The following MBNL1 variants were observed in gnomAD, a reference collection of about 807,000 sequenced individuals.
MBNL1 encodes the protein muscleblind like splicing regulator 1, also known as muscleblind-like protein 1.
MBNL1 carries 8 observed loss-of-function variants against 42.2 expected under a neutral mutation model. That is an observed-to-expected ratio of 0.19 (90% confidence interval 0.11 to 0.34). The LOEUF is 0.34. Among genes scored for constraint, MBNL1 ranks in the 10% least tolerant of loss-of-function variants. The pLI is 1.00. For synonymous variants in MBNL1, 169 were observed against 173.9 expected (o/e 0.97, Z 0.22); for missense variants, 309 against 495.3 (o/e 0.62, Z 3.57).
chr3:152,465,134 C>G lies in MBNL1; in HGVS notation c.*2768C>G, dbSNP rs1749820052. The G allele has an allele frequency of 6.6e-6, 1 of 152,268 alleles. No individual in the cohort carries two copies. Among genetic ancestry groups the G allele is most frequent in the Non-Finnish European group, 1.5e-5 (1 of 68,020 alleles). 9.4% of individuals were successfully genotyped at this position (152,268 alleles called of 1,614,324 possible). A position where few individuals can be genotyped will look rare whatever the true frequency, so the allele number is the denominator to read the frequency against. Reference sequence around the variant, plus strand: ...TACCAAAAATAGCAGGTACTTCTACCATTAAGGTGAAATCATGGATCAGAT... The same window carrying G: ...TACCAAAAATAGCAGGTACTTCTACGATTAAGGTGAAATCATGGATCAGAT... On this transcript the variant is annotated 3_prime_UTR_variant, in exon 10 of 10. Coordinates refer to ENST00000324210, the MANE Select transcript of MBNL1 (RefSeq NM_021038.5).
Position 152,459,341 on chromosome 3 carries a change from A to G in MBNL1, c.*14A>G, listed in dbSNP as rs761980571. On this transcript the variant is annotated 3_prime_UTR_variant, in exon 9 of 10. Transcript: ENST00000324210. ...ACCCAGATGTAGAATTTTCATCACT[A>G]AACAGTAAGTTCATTATGTAATATA... 1.7e-5 allele frequency: 26 copies of G among 1,548,242 alleles called. No homozygotes were observed. The highest frequency in any genetic ancestry group is 2.2e-5 in the Non-Finnish European group (25 of 1,136,452).
At chr3:152,350,180 G>C (rs1355963184) in intron 2 of MBNL1, among the ~76,000 whole-genome samples, 1 of 152,146 alleles carries the variant, frequency 6.6e-6, no homozygotes, top group Non-Finnish European at 1.5e-5. Context: ...AGGTAAATGA[G>C]GATGGTGCTT....
chr3:152,248,061 A>C (rs2033572691), intron 2 of MBNL1, among the ~76,000 whole-genome samples: 1 of 152,048 alleles, frequency 6.6e-6, no homozygotes, highest in Admixed American at 6.6e-5. Flanking sequence ...GGAAAAAATA[A>C]ATTGCAATAT....
intron 2 of MBNL1, among the ~76,000 whole-genome samples, chr3:152,373,342 A>AG: frequency 3.0e-5 from 1 of 33,246 alleles, no homozygotes; most frequent in African/African-American, 1.0e-4. Context: ...TGGGGTATGG[A>AG]AAAAAAAAAA....
chr3:152,416,329 C>G (rs1475812764), intron 3 of MBNL1, among the ~76,000 whole-genome samples: 3 of 152,110 alleles, frequency 2.0e-5, no homozygotes, highest in African/African-American at 2.4e-5. Context: ...GTTTTTTCCC[C>G]TATGATTGTA....
At chr3:152,282,696 T>C (rs936764310) in intron 1 of MBNL1, among the ~76,000 whole-genome samples, 5 of 152,140 alleles carry the variant, frequency 3.3e-5, no homozygotes, top group African/African-American at 1.2e-4. Flanking sequence ...CCAGTAAATA[T>C]TTATTTTACA....
intron 2 of MBNL1, among the ~76,000 whole-genome samples, chr3:152,357,010 T>C (rs947509381): frequency 6.6e-6 from 1 of 152,100 alleles, no homozygotes; most frequent in Non-Finnish European, 1.5e-5. Context: ...GACCTGATTT[T>C]AAACCTCCAA....
intron 2 of MBNL1, among the ~76,000 whole-genome samples, chr3:152,306,880 C>G (rs1470935167): frequency 6.6e-6 from 1 of 152,214 alleles, no homozygotes; most frequent in East Asian, 1.9e-4. Context: ...CTTGTCATCA[C>G]TTCTGTCTTG....
At chr3:152,251,988 C>A (rs1477676023) in intron 2 of MBNL1, among the ~76,000 whole-genome samples, 2 of 152,030 alleles carry the variant, frequency 1.3e-5, no homozygotes, top group Admixed American at 6.6e-5. Flanking sequence ...CTCCCATCTT[C>A]AACATCTATT....
At position 152,331,160 on chromosome 3, in the gene MBNL1, A is replaced by G. The variant is rs188544734; in HGVS notation, c.174+30793A>G. 9.6e-4 allele frequency among the ~76,000 whole-genome samples: 145 copies of G among 151,312 alleles called. 1 individual carries two copies. The highest frequency in any genetic ancestry group is 6.5e-4 in the Non-Finnish European group (44 of 67,764). Reference sequence around the variant, plus strand: ...TCGTTCCTGCTCTTCTTCTCTTTTCATACTCACACAGACACTCCTTCCCCT... The same window carrying G: ...TCGTTCCTGCTCTTCTTCTCTTTTCGTACTCACACAGACACTCCTTCCCCT... On this transcript the variant is annotated intron_variant, in intron 2 of 9. Coordinates refer to ENST00000324210, the MANE Select transcript of MBNL1 (RefSeq NM_021038.5).
At chr3:152,436,823 A>G (rs1396041632) in intron 4 of MBNL1, among the ~76,000 whole-genome samples, 1 of 152,204 alleles carries the variant, frequency 6.6e-6, no homozygotes, top group East Asian at 1.9e-4. Flanking sequence ...TAGTCAGCAC[A>G]AACGGTTACA....
intron 1 of MBNL1, among the ~76,000 whole-genome samples, chr3:152,291,472 T>C (rs1431713340): frequency 2.0e-5 from 3 of 152,216 alleles, no homozygotes; most frequent in Admixed American, 6.5e-5. Flanking sequence ...CATTCACTTA[T>C]AAAGGTGACA....
chr3:152,251,744 G>T (rs1358552175), intron 2 of MBNL1, among the ~76,000 whole-genome samples: 1 of 151,926 alleles, frequency 6.6e-6, no homozygotes, highest in Admixed American at 6.6e-5. Context: ...GCACATGAGG[G>T]TCTTATGTCC....
chr3:152,443,075 T>A (rs2099164639), intron 4 of MBNL1, among the ~76,000 whole-genome samples: 9 of 152,102 alleles, frequency 5.9e-5, no homozygotes, highest in Admixed American at 5.9e-4. Context: ...CTGAGCTAAT[T>A]CTTAGTTATT....
chr3:152,448,508 C>T (rs114928912), intron 6 of MBNL1, among the ~76,000 whole-genome samples: 2,313 of 152,234 alleles, frequency 0.015, 50 homozygotes, highest in African/African-American at 0.053. Context: ...TCAGAAAATA[C>T]ATATAAGCTC....
At chr3:152,321,315 G>A (rs1395560493) in intron 2 of MBNL1, among the ~76,000 whole-genome samples, 2 of 152,088 alleles carry the variant, frequency 1.3e-5, no homozygotes, top group Admixed American at 6.6e-5. Context: ...CACCACTTGA[G>A]CATTGTGATA....
At chr3:152,306,380 G>A (rs2063131784) in intron 2 of MBNL1, among the ~76,000 whole-genome samples, 1 of 152,160 alleles carries the variant, frequency 6.6e-6, no homozygotes, top group Admixed American at 6.5e-5. Flanking sequence ...TTCCTAAGGA[G>A]CACATGGCTT....
intron 2 of MBNL1, among the ~76,000 whole-genome samples, chr3:152,408,627 T>C (rs1245078977): frequency 2.0e-5 from 3 of 151,846 alleles, no homozygotes; most frequent in Non-Finnish European, 4.4e-5. Flanking sequence ...CTGGTTATGA[T>C]AAAATCTGGT....
At chr3:152,422,296 C>A (rs934226086) in intron 3 of MBNL1, among the ~76,000 whole-genome samples, 1 of 145,094 alleles carries the variant, frequency 6.9e-6, no homozygotes, top group Admixed American at 6.8e-5. Context: ...GCAGGAGTTG[C>A]AATCCTAGTC....
Sources: gnomAD v4.1 joint callset for allele counts (sites outside exome capture counted in the v4.1 genomes callset) on GRCh38, gnomAD v4.1.1 for gene constraint, MANE v1.5 for transcripts, NCBI Gene and HGNC (gene_info 2026-07-23, HGNC 2026-07-21) for gene names.